Variants in C7orf78 observed in about 807,000 individuals in gnomAD.
The protein encoded by C7orf78 is chromosome 7 open reading frame 78, also known as putative uncharacterized protein C7orf78.
chr7:12,496,008 C>A, the C7orf78 span, among the ~76,000 whole-genome samples: 4 of 152,024 alleles, frequency 2.6e-5, no homozygotes, highest in Non-Finnish European at 5.9e-5. Context: ...TCACTGCAAG[C>A]TCTGCCTCCC....
chr7:12,493,185 G>C, the C7orf78 span, among the ~76,000 whole-genome samples: 1 of 152,216 alleles, frequency 6.6e-6, no homozygotes, highest in Non-Finnish European at 1.5e-5. Flanking sequence ...GGCAGAGCAA[G>C]ACCCTGTCAA....
the C7orf78 span, chr7:12,523,417 C>T: frequency 1.0e-5 from 4 of 398,134 alleles, no homozygotes; most frequent in Admixed American, 4.4e-5. Flanking sequence ...AACCACATGA[C>T]TTTCGACAGG....
the C7orf78 span, among the ~76,000 whole-genome samples, chr7:12,513,733 G>C: frequency 6.6e-6 from 1 of 151,608 alleles, no homozygotes; most frequent in Non-Finnish European, 1.5e-5. Flanking sequence ...GGGCGCGGTG[G>C]CTCATGCCTG....
At chr7:12,502,854 C>G in the C7orf78 span, among the ~76,000 whole-genome samples, 158 of 141,652 alleles carry the variant, frequency 1.1e-3, 1 homozygote, top group African/African-American at 4.0e-3. Flanking sequence ...GAATGATAGA[C>G]TGGATTAAGA....
chr7:12,538,492 C>G, the C7orf78 span: 3 of 152,164 alleles, frequency 2.0e-5, no homozygotes, highest in Non-Finnish European at 2.9e-5. Context: ...ATGACATCCT[C>G]TGTGTGGCTG....
At chr7:12,520,521 A>T in the C7orf78 span, among the ~76,000 whole-genome samples, 3 of 151,962 alleles carry the variant, frequency 2.0e-5, no homozygotes, top group Non-Finnish European at 4.4e-5. Flanking sequence ...ATTTCCATGT[A>T]TTTGTATAGT....
At chr7:12,529,040 A>G in the C7orf78 span, 12 of 398,396 alleles carry the variant, frequency 3.0e-5, no homozygotes, top group Non-Finnish European at 4.9e-5. Context: ...TCTGCTTCAT[A>G]TACAGTGAGT....
At chr7:12,505,196 T>C in the C7orf78 span, among the ~76,000 whole-genome samples, 1 of 152,060 alleles carries the variant, frequency 6.6e-6, no homozygotes, top group East Asian at 1.9e-4. Flanking sequence ...CATACAGTTT[T>C]CAAAAGGCGA....
the C7orf78 span, among the ~76,000 whole-genome samples, chr7:12,505,291 A>G: frequency 2.0e-5 from 3 of 152,154 alleles, no homozygotes; most frequent in Non-Finnish European, 1.5e-5. Flanking sequence ...AAATGGTTGA[A>G]TAACAATTTC....
At chr7:12,540,108 T>G in the C7orf78 span, among the ~76,000 whole-genome samples, 1 of 152,240 alleles carries the variant, frequency 6.6e-6, no homozygotes, top group South Asian at 2.1e-4. Context: ...CTCTTGTCCA[T>G]GTGTAAGAAA....
At chr7:12,513,938 T>A in the C7orf78 span, among the ~76,000 whole-genome samples, 16 of 152,072 alleles carry the variant, frequency 1.1e-4, no homozygotes, top group African/African-American at 3.9e-4. Flanking sequence ...AGGCGGAGCT[T>A]GCAGTGAGCT....
chr7:12,510,346 G>A, the C7orf78 span, among the ~76,000 whole-genome samples: 2 of 151,962 alleles, frequency 1.3e-5, no homozygotes, highest in South Asian at 2.1e-4. Context: ...CACCATGCCT[G>A]GCTAATTTCT....
the C7orf78 span, among the ~76,000 whole-genome samples, chr7:12,495,529 G>A: frequency 1.3e-5 from 2 of 151,882 alleles, no homozygotes. Flanking sequence ...TAGTTGTGTT[G>A]GTTATTTCCA....
the C7orf78 span, among the ~76,000 whole-genome samples, chr7:12,514,399 C>T: frequency 1.3e-5 from 2 of 151,628 alleles, no homozygotes; most frequent in African/African-American, 2.4e-5. Flanking sequence ...AATAGAATAT[C>T]TTTTCCCATA....
At chr7:12,525,700 C>CA in the C7orf78 span, 5,008 of 384,392 alleles carry the variant, frequency 0.013, 208 homozygotes, top group African/African-American at 0.092. Flanking sequence ...AATGCCACAA[C>CA]AAAATCATCA....
At chr7:12,518,637 G>A in the C7orf78 span, among the ~76,000 whole-genome samples, 5 of 152,270 alleles carry the variant, frequency 3.3e-5, no homozygotes, top group South Asian at 8.3e-4. Flanking sequence ...TATAGGTGGT[G>A]GAATAGATAG....
chr7:12,525,044 C>CAGT, the C7orf78 span, among the ~76,000 whole-genome samples: 1 of 152,022 alleles, frequency 6.6e-6, no homozygotes, highest in Admixed American at 6.6e-5. Context: ...CGAACTTGGT[C>CAGT]TCATGTTGTA....
At chr7:12,533,394 G>C in the C7orf78 span, among the ~76,000 whole-genome samples, 1 of 151,546 alleles carries the variant, frequency 6.6e-6, no homozygotes, top group Non-Finnish European at 1.5e-5. Context: ...AGAGACAGGG[G>C]TTTGCCATGT....
chr7:12,503,739 T>C, the C7orf78 span, among the ~76,000 whole-genome samples: 4 of 152,174 alleles, frequency 2.6e-5, no homozygotes, highest in Admixed American at 6.5e-5. Context: ...TTTAAAAAGT[T>C]TTTTTAACTT....
Sources: gnomAD v4.1 joint callset for allele counts (sites outside exome capture counted in the v4.1 genomes callset) on GRCh38, gnomAD v4.1.1 for gene constraint, MANE v1.5 for transcripts, NCBI Gene and HGNC (gene_info 2026-07-23, HGNC 2026-07-21) for gene names.